The following CCT4 variants were observed in gnomAD, a reference collection of about 807,000 sequenced individuals.
CCT4 encodes T-complex protein 1 subunit delta.
Under a neutral mutation model 62.5 loss-of-function variants are expected in CCT4, and 17 were observed. That is an observed-to-expected ratio of 0.27 (90% confidence interval 0.19 to 0.41). The LOEUF (loss-of-function observed/expected upper bound fraction) is 0.41, where lower values mean the gene tolerates loss of function less well. CCT4 is among the 10% of genes least tolerant of loss of function. The pLI, the probability that CCT4 is intolerant of heterozygous loss-of-function variation, is 1.00. For synonymous variants in CCT4, 250 were observed against 229.9 expected (o/e 1.09, Z -0.79); for missense variants, 592 against 659.2 (o/e 0.90, Z 1.12).
chr2:61,888,304 C>T, intron 1 of CCT4, 77 bp downstream of exon 1: 19 of 1,531,428 alleles, frequency 1.2e-5, no homozygotes, highest in Non-Finnish European at 1.5e-5. Flanking sequence ...GGGAAATGAG[C>T]CAAACCCGCT....
intron 12 of CCT4, among the ~76,000 whole-genome samples, chr2:61,870,038 G>A (rs1668851861): frequency 6.6e-6 from 1 of 150,794 alleles, no homozygotes; most frequent in African/African-American, 2.4e-5. Context: ...AGCACTTTGG[G>A]AGGCCAAGGC....
At chr2:61,883,676 C>G in intron 2 of CCT4, 128 bp from the exon 3 acceptor site, 2 of 601,614 alleles carry the variant, frequency 3.3e-6, no homozygotes, top group Non-Finnish European at 5.8e-6. Context: ...TCTTCCCTTA[C>G]ATTAGCATAA....
chr2:61,885,357 T>G (rs1669227681), intron 1 of CCT4, among the ~76,000 whole-genome samples: 1 of 152,138 alleles, frequency 6.6e-6, no homozygotes, highest in Admixed American at 6.5e-5. Flanking sequence ...TTGGCAACAA[T>G]TATTTTTCTT....
intron 8 of CCT4, among the ~76,000 whole-genome samples, chr2:61,875,705 A>G (rs891451877): frequency 7.2e-5 from 11 of 152,020 alleles, no homozygotes; most frequent in Admixed American, 5.2e-4. Flanking sequence ...AATCGAAGAA[A>G]TAAGTTTTTT....
At chr2:61,881,721 T>A (rs1162089742) in intron 3 of CCT4, among the ~76,000 whole-genome samples, 1 of 152,148 alleles carries the variant, frequency 6.6e-6, no homozygotes, top group East Asian at 1.9e-4. Flanking sequence ...GTTTCATTAG[T>A]GTTTTTCCTC....
chr2:61,886,951 G>T (rs1263721781), intron 1 of CCT4, among the ~76,000 whole-genome samples: 1 of 152,016 alleles, frequency 6.6e-6, no homozygotes, highest in Non-Finnish European at 1.5e-5. Flanking sequence ...TAGAGACGGG[G>T]TTTCTCCATG....
chr2:61,868,780 T>C (rs2105122255), intron 13 of CCT4, 74 bp from the exon 14 acceptor site: 1 of 1,049,922 alleles, frequency 9.5e-7, no homozygotes. Flanking sequence ...TTAAGGCAAT[T>C]AATAAAAGGA....
intron 6 of CCT4, 117 bp from the exon 7 acceptor site, chr2:61,877,169 A>G: frequency 3.0e-6 from 3 of 1,003,362 alleles, no homozygotes; most frequent in East Asian, 4.9e-5. Context: ...CCTCACATTT[A>G]TTATTGCCCC....
chr2:61,870,560 C>G (rs906574941), intron 12 of CCT4, among the ~76,000 whole-genome samples: 3 of 152,118 alleles, frequency 2.0e-5, no homozygotes, highest in African/African-American at 4.8e-5. Context: ...CTGATGGCCT[C>G]TAACAGGCAT....
At chr2:61,885,218 T>C (rs1057257540) in intron 1 of CCT4, 146 bp from the exon 2 acceptor site, 23 of 538,582 alleles carry the variant, frequency 4.3e-5, no homozygotes, top group Non-Finnish European at 4.7e-5. Flanking sequence ...GCTGGGAGTA[T>C]GGGAAATCAA....
intron 7 of CCT4, among the ~76,000 whole-genome samples, chr2:61,876,581 T>A (rs1031034771): frequency 2.0e-5 from 3 of 152,194 alleles, no homozygotes; most frequent in African/African-American, 7.2e-5. Context: ...CCCACTATGT[T>A]GCCCAGGCTG....
chr2:61,870,913 T>C (rs763314537), intron 12 of CCT4, among the ~76,000 whole-genome samples: 8 of 150,526 alleles, frequency 5.3e-5, no homozygotes, highest in Non-Finnish European at 7.4e-5. Context: ...CAAGATTCCG[T>C]CTCCAAAGAA....
At position 61,872,574 on chromosome 2, in the gene CCT4, G is replaced by A. The variant is rs998405098; in HGVS notation, c.1140C>T (p.Ala380=). 1 of 1,613,654 alleles carries A rather than the reference G, an allele frequency of 6.2e-7. No homozygotes were observed. The highest frequency in any genetic ancestry group is 1.7e-5 in the Admixed American group (1 of 59,890). The change falls in exon 11 of 14, where the codon GCC becomes GCT. Residue 380 remains alanine, a synonymous_variant. Coordinates refer to ENST00000394440, the MANE Select transcript of CCT4 (RefSeq NM_006430.4). ...CAATTGTAACTGTTTTTCCAGGGCT[G>A]GCACAGCCTGTAATCTTCAGTAAAC... ...SGKLLKITGC[A]SPGKTVTIVV...
intron 1 of CCT4, 77 bp from the exon 2 acceptor site, chr2:61,885,149 C>T (rs1182458582): frequency 6.1e-6 from 7 of 1,146,486 alleles, no homozygotes; most frequent in East Asian, 5.8e-5. Flanking sequence ...ACTATATTGT[C>T]CAGGATGGCC....
intron 5 of CCT4, 150 bp from the exon 6 acceptor site, chr2:61,877,664 A>C (rs945456097): frequency 3.7e-6 from 2 of 534,138 alleles, no homozygotes; most frequent in Admixed American, 7.4e-5. Context: ...GACAGTCCAT[A>C]AAGTGTCTTT....
intron 3 of CCT4, among the ~76,000 whole-genome samples, 174 bp from the exon 4 acceptor site, chr2:61,880,568 T>G (rs750005165): frequency 3.3e-5 from 5 of 152,252 alleles, no homozygotes; most frequent in Non-Finnish European, 7.3e-5. Context: ...GACTAGTAGA[T>G]GATCTCCAGT....
At chr2:61,882,926 T>C (rs989598528) in intron 3 of CCT4, among the ~76,000 whole-genome samples, 17 of 152,032 alleles carry the variant, frequency 1.1e-4, no homozygotes, top group South Asian at 2.1e-4. Context: ...TGTCAGCCTA[T>C]GGAGTGGCTG....
At chr2:61,886,274 G>A (rs535726671) in intron 1 of CCT4, among the ~76,000 whole-genome samples, 81 of 152,170 alleles carry the variant, frequency 5.3e-4, no homozygotes, top group African/African-American at 1.8e-3. Context: ...CGGGTGTGGC[G>A]GTGCGCATCT....
Position 61,888,581 on chromosome 2 carries a change from A to G in CCT4, c.-74T>C. 1.3e-6 allele frequency: 2 copies of G among 1,545,688 alleles called. No homozygotes were observed. The highest frequency in any genetic ancestry group is 2.4e-5 in the South Asian group (2 of 84,868). On this transcript the variant is annotated 5_prime_UTR_variant, in exon 1 of 14. Coordinates refer to ENST00000394440, the MANE Select transcript of CCT4 (RefSeq NM_006430.4). ...GGATTCTGGCCGGCCGCAGTGTAAT[A>G]ACGGTAAGCCCTCACTGCCTTCACG...
Sources: gnomAD v4.1 joint callset for allele counts (sites outside exome capture counted in the v4.1 genomes callset) on GRCh38, gnomAD v4.1.1 for gene constraint, MANE v1.5 for transcripts, NCBI Gene and HGNC (gene_info 2026-07-23, HGNC 2026-07-21) for gene names.